SMYD3: variants seen among roughly 807,000 people sequenced by gnomAD.
The protein encoded by SMYD3 is SET and MYND domain containing 3.
In SMYD3, 36 loss-of-function variants were observed where a neutral mutation model predicts 57.7. That is an observed-to-expected ratio of 0.62 (90% CI 0.48 to 0.82). SMYD3 has a LOEUF of 0.82. Among genes scored for constraint, SMYD3 ranks in the 40% least tolerant of loss-of-function variants. The pLI is 0.00. For missense variants in SMYD3, 515 were observed against 538.8 expected, an observed-to-expected ratio of 0.96 and a Z score of 0.44; for synonymous variants, 211 against 195.0, an observed-to-expected ratio of 1.08 and a Z score of -0.68.
intron 5 of SMYD3, among the ~76,000 whole-genome samples, chr1:246,007,556 T>A (rs2059197501): frequency 6.6e-6 from 1 of 151,932 alleles, no homozygotes; most frequent in African/African-American, 2.4e-5. Context: ...ACATCTGTAA[T>A]CCCAGTATTT....
intron 5 of SMYD3, among the ~76,000 whole-genome samples, chr1:246,270,889 G>A (rs868633280): frequency 6.6e-6 from 1 of 152,054 alleles, no homozygotes; most frequent in Non-Finnish European, 1.5e-5. Context: ...TTGAGTTGCC[G>A]CCATACTGTT....
At chr1:246,071,583 C>T (rs2060444668) in intron 5 of SMYD3, among the ~76,000 whole-genome samples, 2 of 152,072 alleles carry the variant, frequency 1.3e-5, no homozygotes, top group Admixed American at 1.3e-4. Context: ...TGCCATCATC[C>T]CTGAAAATAT....
chr1:246,018,037 G>A (rs1265770575), intron 5 of SMYD3, among the ~76,000 whole-genome samples: 1 of 152,102 alleles, frequency 6.6e-6, no homozygotes, highest in Non-Finnish European at 1.5e-5. Context: ...CTTCCAAAGA[G>A]CACCTTTAAG....
intron 5 of SMYD3, among the ~76,000 whole-genome samples, chr1:246,310,524 G>A (rs2065058199): frequency 6.6e-6 from 1 of 152,158 alleles, no homozygotes; most frequent in African/African-American, 2.4e-5. Context: ...ACATGTCTAA[G>A]AGAGTTGTGA....
intron 2 of SMYD3, among the ~76,000 whole-genome samples, chr1:246,346,950 C>A (rs1347054234): frequency 6.6e-6 from 1 of 152,008 alleles, no homozygotes; most frequent in Non-Finnish European, 1.5e-5. Context: ...CATGCAAGAA[C>A]AGACAGGGGA....
intron 1 of SMYD3, among the ~76,000 whole-genome samples, chr1:246,433,885 A>C (rs2067333239): frequency 1.3e-5 from 2 of 152,188 alleles, no homozygotes; most frequent in South Asian, 4.1e-4. Flanking sequence ...CTATAAGGCC[A>C]AACAGTAACC....
intron 5 of SMYD3, among the ~76,000 whole-genome samples, chr1:246,247,804 A>C (rs1780799): frequency 0.059 from 8,991 of 152,200 alleles, 429 homozygotes; most frequent in African/African-American, 0.12. Context: ...CTAGTAGATT[A>C]CAGAATTTGC....
rs1435144675 is a variant in SMYD3 at position 246,494,782 on chromosome 1, T to C, written c.164+12272A>G. On this transcript the variant is annotated intron_variant, in intron 1 of 11. Transcript: ENST00000490107. Reference sequence around the variant, plus strand: ...TTGTGAGAAACATCTATCATAACCATGCCAATTAAAAATTCAACATAATTC... The same window carrying C: ...TTGTGAGAAACATCTATCATAACCACGCCAATTAAAAATTCAACATAATTC... Among the ~76,000 whole-genome samples the C allele has an allele frequency of 2.6e-5, 4 of 152,340 alleles. No individual in the cohort carries two copies. The East Asian group carries it at 7.7e-4, about 29-fold the overall frequency.
chr1:246,180,577 G>A (rs1386010184), intron 5 of SMYD3, among the ~76,000 whole-genome samples: 3 of 150,192 alleles, frequency 2.0e-5, no homozygotes, highest in Admixed American at 2.0e-4. Flanking sequence ...TTAACATGGT[G>A]AAACTCCATC....
In SMYD3 at chr1:246,202,468, G is replaced by T. The variant is rs1457774677; in HGVS notation, c.531+124733C>A. 6.6e-6 allele frequency among the ~76,000 whole-genome samples: 1 copy of T among 152,130 alleles called. No homozygotes were observed. Among genetic ancestry groups the T allele is most frequent in the Non-Finnish European group, 1.5e-5 (1 of 68,030 alleles). On this transcript the variant is annotated intron_variant, in intron 5 of 11. Coordinates refer to ENST00000490107, the MANE Select transcript of SMYD3 (RefSeq NM_001167740.2). The surrounding 1 kb of genome is among the most constrained non-coding windows in gnomAD (Gnocchi z 4.1). Reference sequence around the variant, plus strand: ...AAACCCCAGGCTGGGCCTTGACTCTGCCTGCAAGAATTCAGCTGGAACCGA... The same window carrying T: ...AAACCCCAGGCTGGGCCTTGACTCTTCCTGCAAGAATTCAGCTGGAACCGA...
chr1:246,168,401 C>CATA lies in SMYD3; in HGVS notation c.531+158797_531+158799dup, dbSNP rs142147000. ...CTCCATGTTAAGACAAAAATGGCCC[C>CATA]ATAATGAAAAGCACTGTGCAAAATA... is the stretch of plus-strand genomic sequence containing the variant. On this transcript the variant is annotated intron_variant, in intron 5 of 11. Transcript: ENST00000490107. Among the ~76,000 whole-genome samples, 240 of 152,210 alleles carry CATA rather than the reference C, an allele frequency of 1.6e-3. 1 individual carries two copies. Among genetic ancestry groups the CATA allele is most frequent in the African/African-American group, 5.3e-3 (222 of 41,530 alleles).
At chr1:245,935,489 A>G (rs1487933076) in intron 5 of SMYD3, among the ~76,000 whole-genome samples, 5 of 152,198 alleles carry the variant, frequency 3.3e-5, no homozygotes. Context: ...ACTGTACAGA[A>G]GTTACTCGAA....
At chr1:245,845,757 C>A (rs1037254528) in intron 10 of SMYD3, among the ~76,000 whole-genome samples, 9 of 152,228 alleles carry the variant, frequency 5.9e-5, no homozygotes, top group Non-Finnish European at 1.2e-4. Context: ...ATTGTCCTTT[C>A]ATCAGTCTTT....
rs1252379676 is a variant in SMYD3, at chr1:245,749,554, T to C, written c.*9A>G. On this transcript the variant is annotated 3_prime_UTR_variant, in exon 12 of 12. Transcript: ENST00000490107. ...GACACACGCCGTATTTCCCTCTGACTGCGTTCCCTTAGGATGCTCTGATGT... is the reference window on the plus strand; with the variant it reads ...GACACACGCCGTATTTCCCTCTGACCGCGTTCCCTTAGGATGCTCTGATGT... 6.2e-7 allele frequency: 1 copy of C among 1,609,442 alleles called. No individual in the cohort carries two copies. The highest frequency in any genetic ancestry group is 1.7e-5 in the Admixed American group (1 of 60,016).
At chr1:246,264,441 G>A (rs760363247) in intron 5 of SMYD3, among the ~76,000 whole-genome samples, 6 of 152,190 alleles carry the variant, frequency 3.9e-5, no homozygotes, top group Non-Finnish European at 8.8e-5. Context: ...CTTCAGCCCA[G>A]AAGTTCACGA....
At chr1:246,479,508 T>TTA (rs1431944665) in intron 1 of SMYD3, among the ~76,000 whole-genome samples, 1 of 145,444 alleles carries the variant, frequency 6.9e-6, no homozygotes, top group Non-Finnish European at 1.5e-5. Context: ...CGGGATTTTT[T>TTA]TTTTTTTTTT....
intron 1 of SMYD3, among the ~76,000 whole-genome samples, chr1:246,467,855 C>T (rs1010588973): frequency 2.0e-5 from 3 of 152,142 alleles, no homozygotes; most frequent in Non-Finnish European, 4.4e-5. Flanking sequence ...AGGCAAAAAT[C>T]CTCAACAAAA....
At chr1:245,901,505 C>G (rs569808717) in intron 8 of SMYD3, among the ~76,000 whole-genome samples, 1 of 152,256 alleles carries the variant, frequency 6.6e-6, no homozygotes, top group Non-Finnish European at 1.5e-5. Flanking sequence ...CTTTGTCTCT[C>G]CTTTCTCAGA....
intron 5 of SMYD3, among the ~76,000 whole-genome samples, chr1:246,274,193 T>C (rs1301140054): frequency 6.6e-6 from 1 of 152,214 alleles, no homozygotes; most frequent in East Asian, 1.9e-4. Flanking sequence ...CTTTTGTCTT[T>C]ATGTGTCCTA....
Sources: gnomAD v4.1 joint callset for allele counts (sites outside exome capture counted in the v4.1 genomes callset) on GRCh38, gnomAD v4.1.1 for gene constraint, Gnocchi (gnomAD v3.1) non-coding constraint, MANE v1.5 for transcripts, NCBI Gene and HGNC (gene_info 2026-07-23, HGNC 2026-07-21) for gene names.